ADGRL3: variants seen among roughly 807,000 people sequenced by gnomAD.
ADGRL3 encodes adhesion G protein-coupled receptor L3.
ADGRL3 carries 62 observed loss-of-function variants against 153.5 expected under a neutral mutation model. The ratio of observed to expected loss-of-function variants is 0.40; its 90% CI spans 0.33 to 0.50. The LOEUF (loss-of-function observed/expected upper bound fraction) is 0.50. Among genes scored for constraint, ADGRL3 ranks in the 20% least tolerant of loss-of-function variants. The pLI is 0.47. For synonymous variants in ADGRL3, 710 were observed against 672.5 expected, an observed-to-expected ratio of 1.06 and a Z score of -0.86; for missense variants, 1,641 against 1,859.4, an observed-to-expected ratio of 0.88 and a Z score of 2.16.
At chr4:61,676,725 C>A in intron 5 of ADGRL3, 101 bp from the exon 6 acceptor site, 1 of 840,016 alleles carries the variant, frequency 1.2e-6, no homozygotes, top group South Asian at 1.5e-5. Context: ...AAACCTTATT[C>A]AAATCTGTAT....
intron 1 of ADGRL3, among the ~76,000 whole-genome samples, chr4:61,291,049 A>G (rs1354359226): frequency 2.6e-5 from 4 of 152,040 alleles, no homozygotes; most frequent in Non-Finnish European, 5.9e-5. Context: ...AAATTGGTGA[A>G]GGAAAGATTA....
At chr4:61,295,862 A>G (rs140622918) in intron 1 of ADGRL3, among the ~76,000 whole-genome samples, 213 of 151,898 alleles carry the variant, frequency 1.4e-3, no homozygotes, top group Non-Finnish European at 2.4e-3. Flanking sequence ...TGTCCTAGCT[A>G]CTTGGGAGGC....
Position 61,615,788 on chromosome 4 carries a change from T to C in ADGRL3, c.473+28348T>C, listed in dbSNP as rs528975483. Among the ~76,000 whole-genome samples, 3 of 152,240 alleles carry C rather than the reference T, an allele frequency of 2.0e-5. No individual in the cohort carries two copies. The East Asian group carries it at 5.8e-4, about 29-fold the overall frequency. ...TATTGACTATATGTGTATGTATTTA[T>C]ATGTATATATATATGGTACTAAAAA... On this transcript the variant is annotated intron_variant, in intron 5 of 26. Transcript: ENST00000683033.
intron 1 of ADGRL3, among the ~76,000 whole-genome samples, chr4:61,253,813 T>C (rs945252358): frequency 3.3e-5 from 5 of 152,310 alleles, no homozygotes; most frequent in Admixed American, 2.0e-4. Context: ...TACTTTATAA[T>C]GAAAGTGAGC....
At chr4:61,791,114 C>T (rs1012608954) in intron 8 of ADGRL3, among the ~76,000 whole-genome samples, 2 of 152,150 alleles carry the variant, frequency 1.3e-5, no homozygotes, top group Non-Finnish European at 2.9e-5. Flanking sequence ...CCAATCATGC[C>T]TTCCCAGCAG....
At chr4:62,052,975 T>A (rs1735006005) in intron 25 of ADGRL3, among the ~76,000 whole-genome samples, 2 of 151,502 alleles carry the variant, frequency 1.3e-5, no homozygotes, top group Admixed American at 1.3e-4. Context: ...AACTATGATA[T>A]GTTTTATAAT....
At chr4:61,680,239 C>T (rs548349958) in intron 6 of ADGRL3, among the ~76,000 whole-genome samples, 4 of 151,994 alleles carry the variant, frequency 2.6e-5, no homozygotes, top group East Asian at 1.9e-4. Flanking sequence ...AACAACTGAA[C>T]GAACAGTGTT....
At chr4:61,639,894 T>C (rs185719750) in intron 5 of ADGRL3, among the ~76,000 whole-genome samples, 12 of 152,222 alleles carry the variant, frequency 7.9e-5, no homozygotes, top group Admixed American at 2.0e-4. Context: ...ACGTTACAAG[T>C]TACATGGACA....
At chr4:61,331,901 C>A (rs908754692) in intron 1 of ADGRL3, among the ~76,000 whole-genome samples, 3 of 151,998 alleles carry the variant, frequency 2.0e-5, no homozygotes, top group Non-Finnish European at 2.9e-5. Flanking sequence ...AATTTTGAAA[C>A]CCTTTCATTA....
intron 8 of ADGRL3, among the ~76,000 whole-genome samples, chr4:61,766,203 TA>T (rs2096977312): frequency 1.3e-5 from 2 of 151,998 alleles, no homozygotes; most frequent in South Asian, 4.1e-4. Flanking sequence ...GGAACAACGG[TA>T]ATTGTGGGAG....
At chr4:61,316,869 A>T (rs1241718163) in intron 1 of ADGRL3, among the ~76,000 whole-genome samples, 4 of 152,218 alleles carry the variant, frequency 2.6e-5, no homozygotes, top group Non-Finnish European at 1.5e-5. Flanking sequence ...ATAAGTGTCT[A>T]TGCCTTCTCT....
At chr4:62,015,153 A>G (rs1448095140) in intron 21 of ADGRL3, among the ~76,000 whole-genome samples, 2 of 152,116 alleles carry the variant, frequency 1.3e-5, no homozygotes, top group Admixed American at 6.5e-5. Context: ...AAAATTTCCT[A>G]ATCTAATTTT....
intron 2 of ADGRL3, among the ~76,000 whole-genome samples, chr4:61,461,968 CA>C (rs1235692759): frequency 1.3e-5 from 2 of 152,122 alleles, no homozygotes; most frequent in African/African-American, 4.8e-5. Flanking sequence ...CAAACAAAAG[CA>C]CTGAAACATC....
At chr4:62,041,005 G>A (rs763895231) in intron 24 of ADGRL3, among the ~76,000 whole-genome samples, 34 of 151,986 alleles carry the variant, frequency 2.2e-4, no homozygotes, top group Non-Finnish European at 4.4e-4. Flanking sequence ...AGGTTAGAGG[G>A]AGAATGAGAT....
At chr4:61,666,599 A>T (rs540866667) in intron 5 of ADGRL3, among the ~76,000 whole-genome samples, 14 of 151,994 alleles carry the variant, frequency 9.2e-5, no homozygotes, top group African/African-American at 2.6e-4. Context: ...AAATGGATTC[A>T]GATAGTAATA....
intron 6 of ADGRL3, among the ~76,000 whole-genome samples, chr4:61,715,354 C>T (rs892954082): frequency 6.6e-6 from 1 of 152,070 alleles, no homozygotes; most frequent in Non-Finnish European, 1.5e-5. Flanking sequence ...GGATTTCATT[C>T]ATTTTAAGAT....
chr4:61,205,024 A>C (rs1736479257), intron 1 of ADGRL3, among the ~76,000 whole-genome samples: 1 of 152,182 alleles, frequency 6.6e-6, no homozygotes, highest in African/African-American at 2.4e-5. Context: ...GGCTGCAGCT[A>C]CTGTGGCTGG....
intron 5 of ADGRL3, among the ~76,000 whole-genome samples, chr4:61,656,653 G>T: frequency 6.6e-6 from 1 of 152,068 alleles, no homozygotes; most frequent in East Asian, 1.9e-4. Context: ...GTAAATTCTG[G>T]CAAGTTGAGA....
intron 20 of ADGRL3, among the ~76,000 whole-genome samples, chr4:61,996,604 G>T (rs1310356431): frequency 3.3e-5 from 5 of 152,016 alleles, no homozygotes; most frequent in Non-Finnish European, 5.9e-5. Context: ...GCTACTCAAG[G>T]GTCCAATCCA....
Sources: allele counts gnomAD v4.1 joint callset (sites outside exome capture counted in the v4.1 genomes callset), GRCh38; gene constraint gnomAD v4.1.1; transcripts MANE v1.5; gene names NCBI Gene and HGNC (gene_info 2026-07-23, HGNC 2026-07-21).